The following ADGRD1 variants were observed in gnomAD, a reference collection of about 807,000 sequenced individuals.
The protein encoded by ADGRD1 is G-protein coupled receptor 133.
In ADGRD1, 77 loss-of-function variants were observed where a neutral mutation model predicts 113.4. The observed-to-expected ratio is 0.68, with a 90% CI of 0.57 to 0.82. ADGRD1 has a LOEUF of 0.82. ADGRD1 is among the 40% of genes least tolerant of loss of function. ADGRD1 has a pLI of 0.00. For synonymous variants in ADGRD1, 474 were observed against 475.0 expected (o/e 1.00, Z 0.03); for missense variants, 1,036 against 1,139.1 (o/e 0.91, Z 1.30).
intron 20 of ADGRD1, among the ~76,000 whole-genome samples, chr12:131,128,327 C>T (rs1950799269): frequency 6.6e-6 from 1 of 151,874 alleles, no homozygotes; most frequent in African/African-American, 2.4e-5. Context: ...TCTGCACTCA[C>T]TCAAGTTGCT....
At chr12:131,036,625 A>AGGCCTCACTCACTGCACGG (rs371095407) in intron 13 of ADGRD1, among the ~76,000 whole-genome samples, 1,660 of 104,218 alleles carry the variant, frequency 0.016, 78 homozygotes, top group South Asian at 0.026. Context: ...TCACCGCACC[A>AGGCCTCACTCACTGCACGG]GGCCTCACTC....
intron 19 of ADGRD1, 60 bp downstream of exon 19, chr12:131,118,511 A>C (rs1950519237): frequency 7.6e-7 from 1 of 1,316,092 alleles, no homozygotes; most frequent in African/African-American, 1.5e-5. Context: ...TTGTGGCGAG[A>C]GCCCCGTGGC....
At chr12:131,044,057 A>G (rs1362074910) in intron 13 of ADGRD1, among the ~76,000 whole-genome samples, 2 of 152,210 alleles carry the variant, frequency 1.3e-5, no homozygotes, top group Non-Finnish European at 2.9e-5. Flanking sequence ...CACACCGTGT[A>G]GGAACTCCAT....
At position 131,139,429 on chromosome 12, in the gene ADGRD1, A is replaced by G. The variant is rs1951192111; in HGVS notation, c.*166A>G. The G allele has an allele frequency of 1.6e-6, 1 of 610,888 alleles. No homozygotes were observed. Among genetic ancestry groups the G allele is most frequent in the Non-Finnish European group, 3.0e-6 (1 of 337,212 alleles). The allele number at this position is 610,888 out of a possible 1,614,324, so 37.8% of individuals were successfully genotyped here. A position where few individuals can be genotyped will look rare whatever the true frequency, so the allele number is the denominator to read the frequency against. On this transcript the variant is annotated 3_prime_UTR_variant, in exon 25 of 25. Coordinates refer to ENST00000261654, the MANE Select transcript of ADGRD1 (RefSeq NM_198827.5). Reference sequence around the variant, plus strand: ...CCTGTGACTCTGGCTGTCGGAGCACACTGCTCAGCCCAGCAGCCTGATGCC... The same window carrying G: ...CCTGTGACTCTGGCTGTCGGAGCACGCTGCTCAGCCCAGCAGCCTGATGCC...
In ADGRD1 at chr12:130,971,573, C is replaced by A; in HGVS notation, c.303C>A (p.Gly101=). Residue 101 remains glycine, a synonymous_variant, in exon 4 of 25, where the codon GGC becomes GGA. Coordinates refer to ENST00000261654, the MANE Select transcript of ADGRD1 (RefSeq NM_198827.5). The surrounding 1 kb of genome is among the most constrained non-coding windows in gnomAD (Gnocchi z 4.2). ...GCATCAGCAAGCCAGAGCAGTGTGG[C>A]CCTGAAGGTGAGTGGCTGATCCCTG... ...SSCISKPEQC[G]PEGVTFSFFW... The A allele has an allele frequency of 1.2e-6, 2 of 1,606,076 alleles. No homozygotes were observed. Among genetic ancestry groups the A allele is most frequent in the Non-Finnish European group, 1.7e-6 (2 of 1,176,300 alleles).
intron 13 of ADGRD1, among the ~76,000 whole-genome samples, chr12:131,030,310 G>A (rs1256168806): frequency 6.6e-6 from 1 of 152,000 alleles, no homozygotes; most frequent in African/African-American, 2.4e-5. Context: ...TCTGGTGGAG[G>A]GTGGGGATTG....
At chr12:131,020,170 A>ACC (rs1261364364) in intron 13 of ADGRD1, among the ~76,000 whole-genome samples, 22 of 112,196 alleles carry the variant, frequency 2.0e-4, no homozygotes, top group South Asian at 6.2e-4. Context: ...CAGGGGCAGG[A>ACC]CCGCGAGCTC....
intron 3 of ADGRD1, chr12:130,967,696 T>C (rs1051200754): frequency 6.6e-6 from 1 of 152,322 alleles, no homozygotes; most frequent in African/African-American, 2.4e-5. Flanking sequence ...GACCCATCGG[T>C]GCTGCCTCTG....
chr12:130,986,094 G>A (rs1356156586), intron 5 of ADGRD1, among the ~76,000 whole-genome samples: 1 of 152,168 alleles, frequency 6.6e-6, no homozygotes, highest in Non-Finnish European at 1.5e-5. Context: ...AAATTGGGTA[G>A]TGTTGTTCCT....
intron 13 of ADGRD1, among the ~76,000 whole-genome samples, chr12:131,051,735 C>T (rs1010135415): frequency 1.3e-5 from 2 of 152,230 alleles, no homozygotes; most frequent in Non-Finnish European, 2.9e-5. Flanking sequence ...GTCCACCTGC[C>T]TTGGCCTCCC....
intron 13 of ADGRD1, among the ~76,000 whole-genome samples, chr12:131,059,226 A>C (rs1172860420): frequency 6.6e-6 from 1 of 151,984 alleles, no homozygotes; most frequent in Non-Finnish European, 1.5e-5. Flanking sequence ...CCCAGGCTGG[A>C]GTATAGTGAC....
chr12:131,006,060 G>T lies in ADGRD1; in HGVS notation c.1331+13G>T. 1 of 1,611,426 alleles carries T rather than the reference G, an allele frequency of 6.2e-7. No homozygotes were observed. The highest frequency in any genetic ancestry group is 8.5e-7 in the Non-Finnish European group (1 of 1,178,946). On this transcript the variant is annotated intron_variant, in intron 12 of 24. Transcript: ENST00000261654. Reference sequence around the variant, plus strand: ...CCGCCCACACCAAGTGAGTCTCGGGGGTGCTCAGCTCAGGGGCGTGGGTGT... The same window carrying T: ...CCGCCCACACCAAGTGAGTCTCGGGTGTGCTCAGCTCAGGGGCGTGGGTGT...
intron 21 of ADGRD1, among the ~76,000 whole-genome samples, chr12:131,135,809 C>G (rs1235241216): frequency 6.6e-6 from 1 of 152,208 alleles, no homozygotes; most frequent in Non-Finnish European, 1.5e-5. Context: ...CTGAACTTTT[C>G]CAGAGCTCTC....
intron 15 of ADGRD1, among the ~76,000 whole-genome samples, chr12:131,102,258 G>A (rs1018186620): frequency 6.6e-6 from 1 of 152,232 alleles, no homozygotes; most frequent in Non-Finnish European, 1.5e-5. Flanking sequence ...CCGCGGCTAT[G>A]CGATTAATGG....
intron 18 of ADGRD1, among the ~76,000 whole-genome samples, chr12:131,116,565 A>C (rs933910916): frequency 7.0e-6 from 1 of 142,204 alleles, no homozygotes; most frequent in Admixed American, 6.7e-5. Context: ...GCCAGGAGCC[A>C]CCTTCCCTCC....
At chr12:131,116,879 C>T (rs1462083208) in intron 18 of ADGRD1, among the ~76,000 whole-genome samples, 1 of 152,240 alleles carries the variant, frequency 6.6e-6, no homozygotes, top group Non-Finnish European at 1.5e-5. Flanking sequence ...GCCCCACTTT[C>T]TGAATAACGA....
intron 6 of ADGRD1, chr12:130,988,980 T>TC (rs1292396337): frequency 6.6e-6 from 1 of 152,298 alleles, no homozygotes; most frequent in African/African-American, 2.4e-5. Context: ...GAGAGGGGAC[T>TC]CCCAGGGGAC....
At chr12:130,959,531 A>G (rs1335499270) in intron 2 of ADGRD1, among the ~76,000 whole-genome samples, 1 of 152,186 alleles carries the variant, frequency 6.6e-6, no homozygotes, top group Non-Finnish European at 1.5e-5. Flanking sequence ...TGATCACACC[A>G]CTGCACTCCA....
chr12:131,107,753 T>C (rs1228865803), intron 17 of ADGRD1, among the ~76,000 whole-genome samples: 1 of 152,194 alleles, frequency 6.6e-6, no homozygotes, highest in Non-Finnish European at 1.5e-5. Flanking sequence ...ACAAAAATAA[T>C]AGGTATGTCT....
Sources: gnomAD v4.1 joint callset for allele counts (sites outside exome capture counted in the v4.1 genomes callset) on GRCh38, gnomAD v4.1.1 for gene constraint, Gnocchi (gnomAD v3.1) non-coding constraint, MANE v1.5 for transcripts, NCBI Gene and HGNC (gene_info 2026-07-23, HGNC 2026-07-21) for gene names.